The following OLA1 variants were observed in gnomAD, a reference collection of about 807,000 sequenced individuals.
OLA1 encodes the protein obg-like ATPase 1.
Under a neutral mutation model 48.4 loss-of-function variants are expected in OLA1, and 14 were observed. That is an observed-to-expected ratio of 0.29 (90% CI 0.19 to 0.45). The LOEUF (loss-of-function observed/expected upper bound fraction) is 0.45, where lower values mean the gene tolerates loss of function less well. OLA1 is among the 20% of genes least tolerant of loss of function. The pLI, the probability that OLA1 is intolerant of heterozygous loss-of-function variation, is 1.00. For missense variants in OLA1, 325 were observed against 467.1 expected (o/e 0.70, Z 2.80); for synonymous variants, 127 against 150.4 (o/e 0.84, Z 1.14).
intron 7 of OLA1, among the ~76,000 whole-genome samples, chr2:174,082,549 T>C (rs1268274141): frequency 6.6e-6 from 1 of 152,138 alleles, no homozygotes; most frequent in Non-Finnish European, 1.5e-5. Context: ...AGTTCCTTCA[T>C]GGACTAACAG....
intron 10 of OLA1, 132 bp from the exon 11 acceptor site, chr2:174,075,659 A>G: frequency 1.6e-6 from 1 of 609,694 alleles, no homozygotes; most frequent in South Asian, 2.1e-5. Flanking sequence ...AAATATAGGA[A>G]GGCATACAAG....
At chr2:174,197,796 C>T (rs1301137752) in intron 4 of OLA1, among the ~76,000 whole-genome samples, 1 of 152,214 alleles carries the variant, frequency 6.6e-6, no homozygotes, top group Admixed American at 6.5e-5. Context: ...AGGAATACCT[C>T]AAACCCACAT....
intron 4 of OLA1, among the ~76,000 whole-genome samples, chr2:174,151,131 T>A (rs11683795): frequency 6.6e-6 from 1 of 151,990 alleles, no homozygotes; most frequent in Non-Finnish European, 1.5e-5. Flanking sequence ...GAGCCAATCA[T>A]GAGTCTTACA....
chr2:174,164,218 C>T (rs909487682), intron 4 of OLA1, among the ~76,000 whole-genome samples: 6 of 152,026 alleles, frequency 3.9e-5, no homozygotes, highest in African/African-American at 1.5e-4. Flanking sequence ...ATTACCCAGT[C>T]TCGGGTATTT....
intron 4 of OLA1, among the ~76,000 whole-genome samples, chr2:174,164,508 C>T (rs1298618732): frequency 6.6e-6 from 1 of 152,112 alleles, no homozygotes; most frequent in Non-Finnish European, 1.5e-5. Flanking sequence ...CAGAATTATA[C>T]TGCTCTAACT....
At chr2:174,207,700 C>A (rs1043093692) in intron 4 of OLA1, among the ~76,000 whole-genome samples, 1 of 151,892 alleles carries the variant, frequency 6.6e-6, no homozygotes, top group Non-Finnish European at 1.5e-5. Context: ...AGCAGTTATT[C>A]AAAAAAATTG....
At chr2:174,104,541 G>T (rs2105354803) in intron 7 of OLA1, among the ~76,000 whole-genome samples, 1 of 152,094 alleles carries the variant, frequency 6.6e-6, no homozygotes, top group South Asian at 2.1e-4. Flanking sequence ...TATGAACTTT[G>T]GGAAAGAGCT....
At chr2:174,085,973 T>C (rs10185892) in intron 7 of OLA1, among the ~76,000 whole-genome samples, 6,414 of 152,214 alleles carry the variant, frequency 0.042, 487 homozygotes, top group African/African-American at 0.15. Flanking sequence ...GGTTCCTGCA[T>C]ATGGGCTATA....
chr2:174,174,148 A>T (rs1246644678), intron 4 of OLA1, among the ~76,000 whole-genome samples: 1 of 152,074 alleles, frequency 6.6e-6, no homozygotes, highest in Non-Finnish European at 1.5e-5. Flanking sequence ...TCTTCGAGGA[A>T]ATCAAAGATA....
intron 5 of OLA1, among the ~76,000 whole-genome samples, chr2:174,137,716 T>C (rs1686344425): frequency 6.6e-6 from 1 of 152,248 alleles, no homozygotes; most frequent in Admixed American, 6.5e-5. Context: ...TGAAACAACC[T>C]CTGTAAGCTT....
intron 7 of OLA1, among the ~76,000 whole-genome samples, chr2:174,088,570 A>C (rs1400376126): frequency 6.6e-6 from 1 of 152,224 alleles, no homozygotes; most frequent in Non-Finnish European, 1.5e-5. Flanking sequence ...AATTCAACAC[A>C]TCTTTACTTT....
At chr2:174,173,312 T>G (rs984403865) in intron 4 of OLA1, among the ~76,000 whole-genome samples, 1 of 129,644 alleles carries the variant, frequency 7.7e-6, no homozygotes, top group Non-Finnish European at 1.6e-5. Flanking sequence ...ATATTGGAGC[T>G]GAAGACCTTA....
In OLA1 at chr2:174,141,889, G is replaced by A; in HGVS notation, c.485C>T (p.Pro162Leu). Residue 162 changes from proline (P) to leucine (L), a missense_variant, in exon 5 of 11, where the codon CCC becomes CTC. Transcript: ENST00000284719. ...CACCTTTTCTAGTTTATCTATAATGGGCCCAATCATTTCCTCATCTTTAAG... is the reference window on the plus strand; with the variant it reads ...CACCTTTTCTAGTTTATCTATAATGAGCCCAATCATTTCCTCATCTTTAAG... ...LQLKDEEMIG[P>L]IIDKLEKVAV... 1 of 1,611,084 alleles carries A rather than the reference G, an allele frequency of 6.2e-7. No homozygotes were observed. The highest frequency in any genetic ancestry group is 8.5e-7 in the Non-Finnish European group (1 of 1,179,284).
chr2:174,194,938 G>A (rs1171887956), intron 4 of OLA1, among the ~76,000 whole-genome samples: 7 of 152,102 alleles, frequency 4.6e-5, no homozygotes, highest in East Asian at 1.9e-4. Flanking sequence ...ACATACAAAC[G>A]TGCATATTCA....
intron 7 of OLA1, among the ~76,000 whole-genome samples, chr2:174,108,153 A>T (rs527471193): frequency 6.8e-4 from 103 of 152,288 alleles, no homozygotes; most frequent in African/African-American, 1.9e-3. Context: ...ATAATATTTT[A>T]AAATGAAACA....
In OLA1 at chr2:174,074,284, G is replaced by A. The variant is rs1451841314; in HGVS notation, c.*1142C>T. 6.6e-6 allele frequency: 1 copy of A among 152,266 alleles called. No homozygotes were observed. The highest frequency in any genetic ancestry group is 1.5e-5 in the Non-Finnish European group (1 of 68,094). 9.4% of individuals were successfully genotyped at this position (152,266 alleles called of 1,614,324 possible). A position where few individuals can be genotyped will look rare whatever the true frequency, so the allele number is the denominator to read the frequency against. On this transcript the variant is annotated 3_prime_UTR_variant, in exon 11 of 11. Transcript: ENST00000284719. ...AAGGACAAGGAAGGGAGGTCTCACA[G>A]GAATGGAAACATGGGAGAGAAAGGG... is the stretch of plus-strand genomic sequence containing the variant.
intron 5 of OLA1, among the ~76,000 whole-genome samples, chr2:174,137,985 G>A (rs1172755496): frequency 6.6e-6 from 1 of 152,194 alleles, no homozygotes; most frequent in Non-Finnish European, 1.5e-5. Context: ...AACACAGTGA[G>A]ACACCATGTC....
At chr2:174,159,082 G>C (rs1469053980) in intron 4 of OLA1, among the ~76,000 whole-genome samples, 1 of 152,114 alleles carries the variant, frequency 6.6e-6, no homozygotes, top group South Asian at 2.1e-4. Context: ...ATTACTCCTT[G>C]ACTAATCAAG....
At chr2:174,167,471 G>A (rs753827156) in intron 4 of OLA1, among the ~76,000 whole-genome samples, 7 of 152,198 alleles carry the variant, frequency 4.6e-5, no homozygotes, top group Admixed American at 2.6e-4. Context: ...AGCTACTTGG[G>A]AGGCTGAGGA....
Sources: gnomAD v4.1 joint callset for allele counts (sites outside exome capture counted in the v4.1 genomes callset) on GRCh38, gnomAD v4.1.1 for gene constraint, MANE v1.5 for transcripts, NCBI Gene and HGNC (gene_info 2026-07-23, HGNC 2026-07-21) for gene names.